Variants in ATP8A1 observed in about 807,000 individuals in gnomAD.
The protein encoded by ATP8A1 is phospholipid-transporting ATPase IA.
Under a neutral mutation model 177.7 loss-of-function variants are expected in ATP8A1, and 90 were observed. The observed-to-expected ratio is 0.51, with a 90% CI of 0.43 to 0.60. ATP8A1 has a LOEUF of 0.60. Among genes scored for constraint, ATP8A1 ranks in the 20% least tolerant of loss-of-function variants. ATP8A1 has a pLI of 0.00. For missense variants in ATP8A1, 1,072 were observed against 1,392.8 expected, an observed-to-expected ratio of 0.77 and a Z score of 3.67; for synonymous variants, 493 against 485.9, an observed-to-expected ratio of 1.01 and a Z score of -0.19.
intron 20 of ATP8A1, among the ~76,000 whole-genome samples, chr4:42,532,160 C>T (rs924817162): frequency 2.6e-5 from 4 of 151,634 alleles, no homozygotes; most frequent in African/African-American, 4.9e-5. Flanking sequence ...ATAAAATACA[C>T]GGGAATAAAT....
intron 9 of ATP8A1, among the ~76,000 whole-genome samples, chr4:42,583,225 A>C (rs974617414): frequency 2.0e-5 from 3 of 152,198 alleles, no homozygotes; most frequent in Non-Finnish European, 2.9e-5. Flanking sequence ...TAACAATTGC[A>C]CTTGAATGAA....
intron 9 of ATP8A1, among the ~76,000 whole-genome samples, chr4:42,583,099 A>C (rs1324956122): frequency 6.6e-6 from 1 of 152,204 alleles, no homozygotes; most frequent in African/African-American, 2.4e-5. Context: ...TGAGGTCTTC[A>C]TTTCTGGTGA....
chr4:42,631,558 G>A (rs1303522187), intron 1 of ATP8A1, among the ~76,000 whole-genome samples: 2 of 152,178 alleles, frequency 1.3e-5, no homozygotes, highest in African/African-American at 4.8e-5. Context: ...AGATGCATCT[G>A]TAGGACCAAC....
At chr4:42,426,124 C>T (rs1447621619) in intron 33 of ATP8A1, among the ~76,000 whole-genome samples, 1 of 152,158 alleles carries the variant, frequency 6.6e-6, no homozygotes, top group Non-Finnish European at 1.5e-5. Flanking sequence ...TGAGAAAATA[C>T]GAGTTTATGT....
At chr4:42,613,067 G>C (rs1736532151) in intron 5 of ATP8A1, among the ~76,000 whole-genome samples, 1 of 152,056 alleles carries the variant, frequency 6.6e-6, no homozygotes, top group Admixed American at 6.6e-5. Flanking sequence ...ACCCACTTCT[G>C]CCTCAATTCA....
At chr4:42,468,430 TAC>T (rs139371340) in intron 25 of ATP8A1, among the ~76,000 whole-genome samples, 5,331 of 150,474 alleles carry the variant, frequency 0.035, 101 homozygotes, top group African/African-American at 0.051. Context: ...ATATATTTTA[TAC>T]ACACACACAC....
intron 25 of ATP8A1, among the ~76,000 whole-genome samples, chr4:42,485,072 T>C (rs1275800744): frequency 2.0e-5 from 3 of 152,198 alleles, no homozygotes; most frequent in African/African-American, 4.8e-5. Flanking sequence ...AAGGAATGTA[T>C]AGTCAATAAA....
At chr4:42,613,246 T>G (rs1389213710) in intron 5 of ATP8A1, among the ~76,000 whole-genome samples, 1 of 152,124 alleles carries the variant, frequency 6.6e-6, no homozygotes, top group Non-Finnish European at 1.5e-5. Context: ...AAAACAAAAA[T>G]ATACTATTCT....
chr4:42,494,862 T>G (rs1261031560), intron 24 of ATP8A1, among the ~76,000 whole-genome samples: 2 of 152,214 alleles, frequency 1.3e-5, no homozygotes, highest in African/African-American at 4.8e-5. Context: ...CCAGGGTTTG[T>G]TTTGCTGACA....
intron 29 of ATP8A1, among the ~76,000 whole-genome samples, chr4:42,454,717 T>C (rs1560342168): frequency 6.6e-6 from 1 of 152,152 alleles, no homozygotes; most frequent in African/African-American, 2.4e-5. Flanking sequence ...CAGAATGTGA[T>C]TTTAGATAAA....
chr4:42,587,768 G>A (rs1049855421), intron 8 of ATP8A1, among the ~76,000 whole-genome samples: 3 of 151,594 alleles, frequency 2.0e-5, no homozygotes, highest in East Asian at 1.9e-4. Flanking sequence ...CACCATGCCC[G>A]GCTAATTTTT....
chr4:42,562,679 T>C (rs1730958703), intron 15 of ATP8A1, among the ~76,000 whole-genome samples: 2 of 152,206 alleles, frequency 1.3e-5, no homozygotes, highest in Admixed American at 6.5e-5. Flanking sequence ...TTCCCACATG[T>C]TGTAGGAGAG....
chr4:42,501,302 A>C lies in ATP8A1; in HGVS notation c.2151+2148T>G, dbSNP rs79774046. Among the ~76,000 whole-genome samples the C allele has an allele frequency of 3.1e-3, 470 of 152,362 alleles. 2 individuals are homozygous for C. The highest frequency in any genetic ancestry group is 5.5e-3 in the Non-Finnish European group (376 of 68,036). ...AATTTTATAACATCTCATTTTTTAC[A>C]TGTGCCATGTACTGTGCTAACTATG... On this transcript the variant is annotated intron_variant, in intron 24 of 36. Coordinates refer to ENST00000381668, the MANE Select transcript of ATP8A1 (RefSeq NM_006095.2).
chr4:42,458,638 T>C (rs888903529), intron 27 of ATP8A1, among the ~76,000 whole-genome samples: 10 of 152,214 alleles, frequency 6.6e-5, no homozygotes, highest in African/African-American at 1.9e-4. Flanking sequence ...CAATGGAATA[T>C]CTAGATAGTG....
At chr4:42,427,506 G>C (rs1367275920) in intron 33 of ATP8A1, among the ~76,000 whole-genome samples, 1 of 152,230 alleles carries the variant, frequency 6.6e-6, no homozygotes, top group Non-Finnish European at 1.5e-5. Flanking sequence ...GTGTATGGTG[G>C]AATAGGTATT....
rs1457923297 is a variant in ATP8A1 at position 42,578,359 on chromosome 4, A to C, written c.1029T>G (p.Asn343Lys). 9 of 1,612,746 alleles carry C rather than the reference A, an allele frequency of 5.6e-6. No individual in the cohort carries two copies. The highest frequency in any genetic ancestry group is 7.6e-6 in the Non-Finnish European group (9 of 1,179,300). Residue 343 changes from asparagine (N) to lysine (K), a missense_variant, in exon 12 of 37, where the codon AAT (asparagine) becomes AAG (lysine). Coordinates refer to ENST00000381668, the MANE Select transcript of ATP8A1 (RefSeq NM_006095.2). ...NYGGASNFGL[N>K]FLTFIILFNN... ...TGAAAAGGATGATGAAGGTCAAGAA[A>C]TTCAGTCCAAAATTACTAGCGCCAC...
chr4:42,554,631 CAT>C, intron 16 of ATP8A1, among the ~76,000 whole-genome samples: 1 of 152,282 alleles, frequency 6.6e-6, no homozygotes, highest in South Asian at 2.1e-4. Flanking sequence ...CAAGTTGGGA[CAT>C]ACTGGGTTTG....
chr4:42,414,546 C>G, intron 36 of ATP8A1, 81 bp downstream of exon 36: 1 of 1,239,810 alleles, frequency 8.1e-7, no homozygotes, highest in East Asian at 2.3e-5. Context: ...ATAAATATCC[C>G]TAAAGTCAGG....
chr4:42,483,930 CA>C (rs1197981934), intron 25 of ATP8A1, among the ~76,000 whole-genome samples: 1 of 152,216 alleles, frequency 6.6e-6, no homozygotes, highest in Non-Finnish European at 1.5e-5. Context: ...AGGCACATAA[CA>C]GATGACTCTA....
Sources: gnomAD v4.1 joint callset for allele counts (sites outside exome capture counted in the v4.1 genomes callset) on GRCh38, gnomAD v4.1.1 for gene constraint, MANE v1.5 for transcripts, NCBI Gene and HGNC (gene_info 2026-07-23, HGNC 2026-07-21) for gene names.